The following WDR27 variants were observed in gnomAD, a reference collection of about 807,000 sequenced individuals.
WDR27 encodes the protein WD repeat domain 27, also known as WD repeat-containing protein 27.
A neutral mutation model predicts 114.4 loss-of-function variants in WDR27; 100 were observed. The observed-to-expected ratio is 0.87, with a 90% confidence interval of 0.74 to 1.03. The LOEUF is 1.03. Ranked by LOEUF, WDR27 falls within the 50% of genes least tolerant of loss-of-function variation. The probability of loss-of-function intolerance (pLI) is 0.00; values close to 1 mark genes in which losing one functional copy is unlikely to be tolerated. For synonymous variants in WDR27, 449 were observed against 423.1 expected, an observed-to-expected ratio of 1.06 and a Z score of -0.75; for missense variants, 1,129 against 1,092.9, an observed-to-expected ratio of 1.03 and a Z score of -0.47.
In WDR27 at chr6:169,667,237, T is replaced by C. The variant is rs377030089; in HGVS notation, c.661-50A>G. On this transcript the variant is annotated intron_variant, in intron 5 of 25. Coordinates refer to ENST00000448612, the MANE Select transcript of WDR27 (RefSeq NM_182552.5). ...AGAAGAGGTAACAACGTTGCCATTA[T>C]TGCAACAGGTGAAGCTAACAGTACT... The C allele has an allele frequency of 2.7e-4, 387 of 1,440,270 alleles. No individual in the cohort carries two copies. The Middle Eastern group carries it at 5.9e-3, about 22-fold the overall frequency. The allele number at this position is 1,440,270 out of a possible 1,614,324, so 89.2% of individuals were successfully genotyped here.
At chr6:169,696,052 C>G (rs1388088907) in intron 1 of WDR27, among the ~76,000 whole-genome samples, 1 of 152,176 alleles carries the variant, frequency 6.6e-6, no homozygotes, top group Non-Finnish European at 1.5e-5. Context: ...GATTTGTGAC[C>G]TCCAGAACCG....
chr6:169,478,796 A>G (rs1204696289), intron 25 of WDR27, among the ~76,000 whole-genome samples: 1 of 152,222 alleles, frequency 6.6e-6, no homozygotes, highest in Non-Finnish European at 1.5e-5. Context: ...CAAGGCTGAC[A>G]AAAACAAGCA....
At chr6:169,526,928 T>C (rs1357287685) in intron 25 of WDR27, among the ~76,000 whole-genome samples, 4 of 152,322 alleles carry the variant, frequency 2.6e-5, no homozygotes, top group South Asian at 4.1e-4. Context: ...TTAATTATTA[T>C]GGAAATGCAA....
intron 22 of WDR27, among the ~76,000 whole-genome samples, chr6:169,607,393 TACACACAC>T (rs199658563): frequency 1.0e-5 from 1 of 99,490 alleles, no homozygotes; most frequent in African/African-American, 3.0e-5. Context: ...TGTGTGTGTA[TACACACAC>T]ACACACACAC....
At position 169,649,245 on chromosome 6, in the gene WDR27, G is replaced by A; in HGVS notation, c.1512C>T (p.Ile504=). ...HVTMFSPKTN[I]KSEGKGSSRS... ...TTGAAGATCCTTTCCCCTCACTCTT[G>A]ATGTTGGTCTTTGGTGAAAACATAG... Residue 504 remains isoleucine, a synonymous_variant, in exon 15 of 26, where the codon ATC becomes ATT. Coordinates refer to ENST00000448612, the MANE Select transcript of WDR27 (RefSeq NM_182552.5). 1 of 1,577,954 alleles carries A rather than the reference G, an allele frequency of 6.3e-7. No individual in the cohort carries two copies.
the WDR27 span, among the ~76,000 whole-genome samples, chr6:169,438,513 A>T: frequency 6.6e-6 from 1 of 152,172 alleles, no homozygotes; most frequent in East Asian, 1.9e-4. Flanking sequence ...CTGGGATTAC[A>T]GGCGTGAGCC....
At chr6:169,680,349 G>A (rs905826156) in intron 2 of WDR27, among the ~76,000 whole-genome samples, 16 of 152,224 alleles carry the variant, frequency 1.1e-4, no homozygotes, top group Admixed American at 2.6e-4. Context: ...TTGGGAGGCC[G>A]AGGCAGGTGT....
chr6:169,476,324 G>A (rs1787159345), intron 25 of WDR27, among the ~76,000 whole-genome samples: 1 of 152,196 alleles, frequency 6.6e-6, no homozygotes, highest in Non-Finnish European at 1.5e-5. Context: ...CTCTCCCAGG[G>A]TCGATTGTGT....
At chr6:169,551,291 T>C (rs2128103155) in intron 25 of WDR27, among the ~76,000 whole-genome samples, 1 of 152,192 alleles carries the variant, frequency 6.6e-6, no homozygotes, top group East Asian at 1.9e-4. Context: ...CGCTAAGTAA[T>C]TTAGACACAG....
At chr6:169,633,870 C>T (rs2128218558) in intron 20 of WDR27, among the ~76,000 whole-genome samples, 1 of 152,310 alleles carries the variant, frequency 6.6e-6, no homozygotes, top group East Asian at 1.9e-4. Context: ...AACCTCCTAA[C>T]ACTTTTAGTT....
At chr6:169,661,253 A>T (rs1031982084) in intron 9 of WDR27, among the ~76,000 whole-genome samples, 1 of 152,244 alleles carries the variant, frequency 6.6e-6, no homozygotes, top group Non-Finnish European at 1.5e-5. Flanking sequence ...TGCCTGGGCC[A>T]AGGCCACTGC....
chr6:169,627,087 C>G (rs1361681148), intron 21 of WDR27, among the ~76,000 whole-genome samples: 4 of 152,208 alleles, frequency 2.6e-5, no homozygotes, highest in African/African-American at 9.6e-5. Flanking sequence ...TGTAATTTGT[C>G]AGGGTCCTCC....
chr6:169,641,740 G>A (rs529262795), intron 17 of WDR27, among the ~76,000 whole-genome samples: 41 of 152,162 alleles, frequency 2.7e-4, no homozygotes, highest in Non-Finnish European at 4.7e-4. Context: ...AAGATTTCTC[G>A]TTTTTATACA....
chr6:169,581,577 T>TAATA (rs1305597136), intron 24 of WDR27, among the ~76,000 whole-genome samples: 1 of 152,158 alleles, frequency 6.6e-6, no homozygotes. Flanking sequence ...GTATTATTTA[T>TAATA]AATAGGGAAG....
chr6:169,608,220 T>C (rs1026800589), intron 22 of WDR27, among the ~76,000 whole-genome samples: 1 of 152,202 alleles, frequency 6.6e-6, no homozygotes, highest in Non-Finnish European at 1.5e-5. Context: ...GCAGTCTCAC[T>C]ACTTGGTATC....
chr6:169,496,921 GA>G (rs1407997671), intron 25 of WDR27, among the ~76,000 whole-genome samples: 4 of 152,054 alleles, frequency 2.6e-5, no homozygotes, highest in Non-Finnish European at 5.9e-5. Flanking sequence ...GATGTTTTCT[GA>G]AGATATGGAA....
intron 13 of WDR27, among the ~76,000 whole-genome samples, chr6:169,652,584 C>T (rs925113863): frequency 2.0e-5 from 3 of 152,188 alleles, no homozygotes; most frequent in Admixed American, 6.5e-5. Context: ...TACCAGTTGA[C>T]AAAAACTCTG....
At chr6:169,462,918 A>G (rs1442289619) in intron 25 of WDR27, among the ~76,000 whole-genome samples, 1 of 152,238 alleles carries the variant, frequency 6.6e-6, no homozygotes, top group Non-Finnish European at 1.5e-5. Context: ...ACACATTTTC[A>G]TAATTTAAAA....
intron 16 of WDR27, 149 bp from the exon 17 acceptor site, chr6:169,643,935 A>G (rs1819816436): frequency 1.6e-6 from 1 of 614,896 alleles, no homozygotes; most frequent in South Asian, 2.3e-5. Flanking sequence ...CACAAGAGTC[A>G]CACTGTAGAA....
Sources: gnomAD v4.1 joint callset for allele counts (sites outside exome capture counted in the v4.1 genomes callset) on GRCh38, gnomAD v4.1.1 for gene constraint, MANE v1.5 for transcripts, NCBI Gene and HGNC (gene_info 2026-07-23, HGNC 2026-07-21) for gene names.